DLGAP2: variants seen among roughly 807,000 people sequenced by gnomAD.
DLGAP2 encodes disks large-associated protein 2.
A neutral mutation model predicts 100.3 loss-of-function variants in DLGAP2; 26 were observed. That is an observed-to-expected ratio of 0.26 (90% CI 0.19 to 0.36). DLGAP2 has a LOEUF of 0.36. Ranked by LOEUF, DLGAP2 falls within the 10% of genes least tolerant of loss-of-function variation. DLGAP2 has a pLI of 1.00. For synonymous variants in DLGAP2, 886 were observed against 630.1 expected, an observed-to-expected ratio of 1.41 and a Z score of -6.08; for missense variants, 1,858 against 1,453.2, an observed-to-expected ratio of 1.28 and a Z score of -4.53.
At chr8:1,072,563 G>T (rs1400140897) in intron 2 of DLGAP2, among the ~76,000 whole-genome samples, 1 of 152,186 alleles carries the variant, frequency 6.6e-6, no homozygotes, top group African/African-American at 2.4e-5. Flanking sequence ...GCAGGGAGGT[G>T]CGGCCTGGCT....
rs563718751 is a variant in DLGAP2, at chr8:1,422,703, G to A, written c.107-78663G>A. Among the ~76,000 whole-genome samples the A allele has an allele frequency of 3.0e-4, 45 of 152,218 alleles. No homozygotes were observed. The South Asian group carries it at 3.7e-3, about 13-fold the overall frequency. On this transcript the variant is annotated intron_variant, in intron 3 of 14. Coordinates refer to ENST00000637795, the MANE Select transcript of DLGAP2 (RefSeq NM_001346810.2). ...AGGGGGTGGTACACAGCAGGTGCTC[G>A]TTAAGTGCTCAGGGAACTCAACATG...
rs1168172074 is a variant in DLGAP2, at chr8:1,350,215, G to A, written c.106+91332G>A. Among the ~76,000 whole-genome samples, 17 of 148,544 alleles carry A rather than the reference G, an allele frequency of 1.1e-4. 1 individual carries two copies. Among genetic ancestry groups the A allele is most frequent in the African/African-American group, 4.2e-4 (17 of 40,074 alleles). ...GGTCCTGAGTGTGCGTGGAAAGGCC[G>A]TGCGGGTCCTGAGTGTGCGTGGAAA... On this transcript the variant is annotated intron_variant, in intron 3 of 14. Transcript: ENST00000637795.
chr8:1,474,520 A>G (rs1020072029), intron 3 of DLGAP2, among the ~76,000 whole-genome samples: 6 of 152,138 alleles, frequency 3.9e-5, no homozygotes, highest in African/African-American at 1.4e-4. Flanking sequence ...TTTCCTTTTT[A>G]TCACGTCCAC....
intron 2 of DLGAP2, among the ~76,000 whole-genome samples, chr8:1,021,216 A>T (rs1246374500): frequency 6.6e-6 from 1 of 152,210 alleles, no homozygotes; most frequent in Non-Finnish European, 1.5e-5. Context: ...TACCCTTGAC[A>T]TCAGAAACAT....
chr8:1,245,424 G>A (rs1206916001), intron 2 of DLGAP2, among the ~76,000 whole-genome samples: 3 of 152,192 alleles, frequency 2.0e-5, no homozygotes, highest in Non-Finnish European at 4.4e-5. Context: ...TAAAGGAATG[G>A]AGCACCGATG....
At chr8:1,499,699 A>G (rs1180566242) in intron 3 of DLGAP2, among the ~76,000 whole-genome samples, 2 of 152,182 alleles carry the variant, frequency 1.3e-5, no homozygotes, top group African/African-American at 4.8e-5. Context: ...TCAGATAGCT[A>G]TTTCTTATAC....
rs560067219 is a variant in DLGAP2 at position 1,695,965 on chromosome 8, G to A, written c.2797-1182G>A. ...GCTTTGAGTGGCCAAGGCTGCCCTC[G>A]TGTGGCTGCAGAGAAGAATGGGCTC... On this transcript the variant is annotated intron_variant, in intron 13 of 14. Coordinates refer to ENST00000637795, the MANE Select transcript of DLGAP2 (RefSeq NM_001346810.2). Among the ~76,000 whole-genome samples the A allele has an allele frequency of 7.0e-4, 106 of 152,358 alleles. 1 individual carries two copies. Among genetic ancestry groups the A allele is most frequent in the African/African-American group, 6.0e-4 (25 of 41,592 alleles).
chr8:1,219,487 G>C (rs1007656055), intron 2 of DLGAP2, among the ~76,000 whole-genome samples: 2 of 152,114 alleles, frequency 1.3e-5, no homozygotes, highest in Non-Finnish European at 2.9e-5. Context: ...TGGTGGATTA[G>C]CATCTTAATG....
At chr8:1,507,237 G>A (rs1361867603) in intron 4 of DLGAP2, among the ~76,000 whole-genome samples, 1 of 152,222 alleles carries the variant, frequency 6.6e-6, no homozygotes, top group Non-Finnish European at 1.5e-5. Context: ...CTTGGGCCGC[G>A]CGGGAGCCCA....
At chr8:1,215,200 C>T (rs1041798114) in intron 2 of DLGAP2, among the ~76,000 whole-genome samples, 3 of 152,140 alleles carry the variant, frequency 2.0e-5, no homozygotes, top group African/African-American at 7.2e-5. Flanking sequence ...TAAACGAAAT[C>T]CCAAATATCA....
In DLGAP2 at chr8:871,102, A is replaced by C. The variant is rs190432139; in HGVS notation, c.19-36810A>C. On this transcript the variant is annotated intron_variant, in intron 1 of 14. Coordinates refer to ENST00000637795, the MANE Select transcript of DLGAP2 (RefSeq NM_001346810.2). ...GTTTGACATCAGTCAGAGCCTGACC[A>C]CCTCTGGGCACCAGTGTGCAGGTGT... 4.8e-4 allele frequency among the ~76,000 whole-genome samples: 73 copies of C among 152,180 alleles called. 1 individual carries two copies. The highest frequency in any genetic ancestry group is 1.6e-3 in the African/African-American group (65 of 41,528).
At chr8:1,172,583 C>G (rs1390789190) in intron 2 of DLGAP2, among the ~76,000 whole-genome samples, 1 of 152,110 alleles carries the variant, frequency 6.6e-6, no homozygotes, top group African/African-American at 2.4e-5. Context: ...TTGTTCGTTT[C>G]TTTTTATTCT....
At chr8:1,107,571 G>A (rs541057282) in intron 2 of DLGAP2, among the ~76,000 whole-genome samples, 1 of 152,336 alleles carries the variant, frequency 6.6e-6, no homozygotes, top group East Asian at 1.9e-4. Context: ...CGGAATTCCA[G>A]GGTGGAAACA....
At chr8:782,849 G>A (rs368837148) in intron 1 of DLGAP2, among the ~76,000 whole-genome samples, 273 of 152,228 alleles carry the variant, frequency 1.8e-3, no homozygotes, top group African/African-American at 6.4e-3. Flanking sequence ...CCTCTTCCGC[G>A]TCTGCTGTGT....
At chr8:752,909 C>T (rs1450496986) in intron 1 of DLGAP2, among the ~76,000 whole-genome samples, 4 of 152,200 alleles carry the variant, frequency 2.6e-5, no homozygotes, top group African/African-American at 7.2e-5. Flanking sequence ...AGGCGACTCT[C>T]AGCTGTTTAA....
chr8:912,918 C>G (rs1341369503), intron 2 of DLGAP2, among the ~76,000 whole-genome samples: 1 of 152,262 alleles, frequency 6.6e-6, no homozygotes, highest in African/African-American at 2.4e-5. Flanking sequence ...CCGCCTTCCT[C>G]TCTGTGTAAC....
intron 8 of DLGAP2, among the ~76,000 whole-genome samples, chr8:1,667,744 C>T (rs954733061): frequency 6.6e-6 from 1 of 152,180 alleles, no homozygotes; most frequent in Admixed American, 6.5e-5. Flanking sequence ...TAGCATCCGG[C>T]GTGCTTCTGA....
chr8:823,131 G>T (rs1796617581), intron 1 of DLGAP2, among the ~76,000 whole-genome samples: 1 of 152,056 alleles, frequency 6.6e-6, no homozygotes, highest in Non-Finnish European at 1.5e-5. Context: ...CTTGGTGGCA[G>T]CTTCACACGT....
chr8:1,638,253 G>A (rs1190875181), intron 8 of DLGAP2, among the ~76,000 whole-genome samples: 3 of 152,064 alleles, frequency 2.0e-5, no homozygotes, highest in Non-Finnish European at 4.4e-5. Context: ...CAGACCCTTC[G>A]AAGAGGTGAC....
Sources: gnomAD v4.1 joint callset for allele counts (sites outside exome capture counted in the v4.1 genomes callset) on GRCh38, gnomAD v4.1.1 for gene constraint, MANE v1.5 for transcripts, NCBI Gene and HGNC (gene_info 2026-07-23, HGNC 2026-07-21) for gene names.